Variants in PPIG observed in about 807,000 individuals in gnomAD.
PPIG encodes peptidyl-prolyl cis-trans isomerase G.
A neutral mutation model predicts 87.9 loss-of-function variants in PPIG; 26 were observed. That is an observed-to-expected ratio of 0.30 (90% CI 0.22 to 0.41). PPIG has a LOEUF of 0.41. PPIG is among the 10% of genes least tolerant of loss of function. PPIG has a pLI of 1.00. For missense variants in PPIG, 722 were observed against 879.4 expected, an observed-to-expected ratio of 0.82 and a Z score of 2.26; for synonymous variants, 308 against 276.5, an observed-to-expected ratio of 1.11 and a Z score of -1.13.
At chr2:169,600,952 A>AG (rs1228023149) in intron 1 of PPIG, among the ~76,000 whole-genome samples, 1 of 152,206 alleles carries the variant, frequency 6.6e-6, no homozygotes, top group African/African-American at 2.4e-5. Context: ...GTAAAGCTGA[A>AG]GGCCCCCAAT....
At chr2:169,615,898 GCCGGTT>G (rs1685597997) in intron 9 of PPIG, among the ~76,000 whole-genome samples, 1 of 152,096 alleles carries the variant, frequency 6.6e-6, no homozygotes, top group Non-Finnish European at 1.5e-5. Flanking sequence ...TGCAGAACAT[GCCGGTT>G]TATTACATAG....
intron 1 of PPIG, 106 bp downstream of exon 1, chr2:169,584,596 C>A: frequency 2.3e-6 from 1 of 443,620 alleles, no homozygotes; most frequent in Non-Finnish European, 4.5e-6. Context: ...CGCGGCTGAC[C>A]GGGTTGGGTT....
chr2:169,604,822 C>G (rs899321301), intron 4 of PPIG, among the ~76,000 whole-genome samples: 1 of 150,956 alleles, frequency 6.6e-6, no homozygotes, highest in Non-Finnish European at 1.5e-5. Context: ...TGCGGTGAGC[C>G]GAGATCGTGC....
In PPIG at chr2:169,636,762, A is replaced by G; in HGVS notation, c.1504A>G (p.Lys502Glu). ...RDHENVKEKE[K>E]QSDSKGKDQE... ...TCATGAAAATGTTAAAGAAAAAGAA[A>G]AGCAGTCTGATTCTAAAGGAAAAGA... The change falls in exon 14 of 14, where the codon AAG becomes GAG. Residue 502 changes from lysine to glutamate, a missense_variant. By Grantham distance (56) the Lys-to-Glu change is moderately conservative. Transcript: ENST00000260970. The G allele has an allele frequency of 1.2e-6, 2 of 1,612,370 alleles. No individual in the cohort carries two copies. Among genetic ancestry groups the G allele is most frequent in the Non-Finnish European group, 1.7e-6 (2 of 1,179,752 alleles).
intron 7 of PPIG, among the ~76,000 whole-genome samples, chr2:169,609,499 A>C (rs1238124478): frequency 3.3e-5 from 5 of 152,166 alleles, no homozygotes; most frequent in Admixed American, 1.3e-4. Flanking sequence ...ATTGTTATAG[A>C]GGGGAAGTTA....
chr2:169,633,286 A>G (rs750438224), intron 12 of PPIG, 39 bp downstream of exon 12: 2 of 1,395,616 alleles, frequency 1.4e-6, no homozygotes, highest in East Asian at 2.3e-5. Context: ...ACAATATTGC[A>G]TTTGTCTTCC....
At chr2:169,587,221 CTG>C (rs1684727999) in intron 1 of PPIG, among the ~76,000 whole-genome samples, 1 of 151,782 alleles carries the variant, frequency 6.6e-6, no homozygotes, top group South Asian at 2.1e-4. Flanking sequence ...GCGTGAGCCA[CTG>C]TGCACTGTGC....
At chr2:169,632,798 A>C (rs1231511367) in intron 11 of PPIG, among the ~76,000 whole-genome samples, 1 of 151,784 alleles carries the variant, frequency 6.6e-6, no homozygotes, top group Admixed American at 6.6e-5. Context: ...AGGAATATTG[A>C]AATATTTTTC....
Position 169,630,793 on chromosome 2 carries a change from A to G in PPIG, c.567A>G (p.Lys189=). Residue 189 remains lysine (K), a synonymous_variant, in exon 10 of 14, where the codon AAA becomes AAG. Transcript: ENST00000260970. ...PKSKVKKEEK[K]RHKSSSSSSS... ...TTAAAGTTAAGAAAGAAGAAAAGAA[A>G]AGGCATAAATCATCATCATCTTCCT... The G allele has an allele frequency of 4.4e-6, 7 of 1,599,882 alleles. No homozygotes were observed. The highest frequency in any genetic ancestry group is 5.9e-6 in the Non-Finnish European group (7 of 1,176,588).
chr2:169,605,723 C>T (rs560162204), intron 4 of PPIG, among the ~76,000 whole-genome samples: 3 of 152,044 alleles, frequency 2.0e-5, no homozygotes, highest in African/African-American at 7.2e-5. Context: ...CACTTGAACC[C>T]AGGAGGCGCA....
chr2:169,610,603 T>C (rs79532677), intron 7 of PPIG, among the ~76,000 whole-genome samples: 5,606 of 152,222 alleles, frequency 0.037, 166 homozygotes, highest in East Asian at 0.18. Context: ...CTTTTTTTTT[T>C]CACCCCAGTT....
At chr2:169,618,387 T>TC (rs1685657302) in intron 9 of PPIG, among the ~76,000 whole-genome samples, 1 of 151,906 alleles carries the variant, frequency 6.6e-6, no homozygotes. Flanking sequence ...TAGGGAGGAG[T>TC]CCCCCTTTTT....
Position 169,589,545 on chromosome 2 carries a change from A to G in PPIG, c.-70+5055A>G, listed in dbSNP as rs77900314. On this transcript the variant is annotated intron_variant, in intron 1 of 13. Transcript: ENST00000260970. ...AATTTAACTTACATGATTTCACTTAAGAGGTGGAAATCTTATATATAAATT... is the reference window on the plus strand; with the variant it reads ...AATTTAACTTACATGATTTCACTTAGGAGGTGGAAATCTTATATATAAATT... 9.9e-4 allele frequency among the ~76,000 whole-genome samples: 151 copies of G among 152,312 alleles called. 1 individual carries two copies. In the East Asian group the frequency reaches 0.025, roughly 25 times the overall value.
At chr2:169,590,192 C>G (rs1273993839) in intron 1 of PPIG, among the ~76,000 whole-genome samples, 1 of 151,932 alleles carries the variant, frequency 6.6e-6, no homozygotes, top group Non-Finnish European at 1.5e-5. Flanking sequence ...AGGATAGGCA[C>G]TGGATTATAA....
chr2:169,632,944 T>C (rs1283030259), intron 11 of PPIG, among the ~76,000 whole-genome samples: 3 of 150,726 alleles, frequency 2.0e-5, no homozygotes, highest in African/African-American at 4.9e-5. Context: ...GCCCAGCTAA[T>C]TTTTTGTATT....
intron 1 of PPIG, among the ~76,000 whole-genome samples, chr2:169,592,740 G>T (rs909590518): frequency 1.3e-5 from 2 of 151,962 alleles, no homozygotes; most frequent in Non-Finnish European, 2.9e-5. Flanking sequence ...GTGATTTCAG[G>T]TATTATTTAA....
Position 169,614,746 on chromosome 2 carries a change from C to A in PPIG, c.547+22C>A, listed in dbSNP as rs1323251872. ...AAAGGTAAAAAGGAAGTACATATTT[C>A]TGAGAATACTTACACATACAAAATA... On this transcript the variant is annotated intron_variant, in intron 9 of 13. Coordinates refer to ENST00000260970, the MANE Select transcript of PPIG (RefSeq NM_004792.3). 4.4e-6 allele frequency: 7 copies of A among 1,584,768 alleles called. No homozygotes were observed. The East Asian group carries it at 1.6e-4, about 36-fold the overall frequency.
chr2:169,624,732 C>T (rs781207080), intron 9 of PPIG, among the ~76,000 whole-genome samples: 15 of 152,026 alleles, frequency 9.9e-5, no homozygotes, highest in East Asian at 3.9e-4. Context: ...GGACTACAGG[C>T]GCCCACCACC....
chr2:169,624,681 T>C lies in PPIG; in HGVS notation c.548-6093T>C, dbSNP rs548982701. On this transcript the variant is annotated intron_variant, in intron 9 of 13. Coordinates refer to ENST00000260970, the MANE Select transcript of PPIG (RefSeq NM_004792.3). The stretch of plus-strand genomic sequence containing the variant: ...CGGCTCACTGCAAGCTCCACCTCCC[T>C]GGTTCACGCGATTCTCCTGCCTCAG... Among the ~76,000 whole-genome samples the C allele has an allele frequency of 2.5e-4, 38 of 152,220 alleles. No individual in the cohort carries two copies. The South Asian group carries it at 3.1e-3, about 12-fold the overall frequency.
Sources: gnomAD v4.1 joint callset for allele counts (sites outside exome capture counted in the v4.1 genomes callset) on GRCh38, gnomAD v4.1.1 for gene constraint, MANE v1.5 for transcripts, NCBI Gene and HGNC (gene_info 2026-07-23, HGNC 2026-07-21) for gene names.